ZNF396: variants seen among roughly 807,000 people sequenced by gnomAD.
ZNF396 encodes the protein zinc finger and SCAN domain-containing protein 14.
In ZNF396, 14 loss-of-function variants were observed where a neutral mutation model predicts 20.5. The observed-to-expected ratio is 0.68, with a 90% CI of 0.45 to 1.07. ZNF396 has a LOEUF of 1.07. Among genes scored for constraint, ZNF396 ranks in the 50% least tolerant of loss-of-function variants. The pLI is 0.00. For synonymous variants in ZNF396, 119 were observed against 140.6 expected (o/e 0.85, Z 1.08); for missense variants, 347 against 390.1 (o/e 0.89, Z 0.93).
chr18:35,370,262 T>TGGTCTCG (rs2045155098), intron 3 of ZNF396, among the ~76,000 whole-genome samples: 4 of 152,156 alleles, frequency 2.6e-5, no homozygotes, highest in Non-Finnish European at 5.9e-5. Context: ...ATGGATTTTA[T>TGGTCTCG]ATTACTGGTT....
At position 35,368,123 on chromosome 18, in the gene ZNF396, A is replaced by G. The variant is rs1307716656; in HGVS notation, c.*1092T>C. 1.5e-5 allele frequency: 4 copies of G among 263,354 alleles called. No homozygotes were observed. In the Admixed American group the frequency reaches 2.1e-4, roughly 14 times the overall value. 16.3% of individuals were successfully genotyped at this position (263,354 alleles called of 1,614,324 possible). A position where few individuals can be genotyped will look rare whatever the true frequency, so the allele number is the denominator to read the frequency against. On this transcript the variant is annotated 3_prime_UTR_variant, in exon 4 of 4. Coordinates refer to ENST00000589332, the MANE Select transcript of ZNF396 (RefSeq NM_001322286.2). ...TTTTGTTCATCTCCCTTTTTTCTTT[A>G]TATTAAGATGATCATCCATCTTACA...
At chr18:35,370,715 G>C (rs1285493496) in intron 3 of ZNF396, among the ~76,000 whole-genome samples, 2 of 151,192 alleles carry the variant, frequency 1.3e-5, no homozygotes, top group Non-Finnish European at 3.0e-5. Flanking sequence ...GGGTTTCACC[G>C]TTTTAGCCGG....
intron 3 of ZNF396, 119 bp from the exon 4 acceptor site, chr18:35,369,779 A>T (rs762368517): frequency 9.4e-7 from 1 of 1,060,918 alleles, no homozygotes; most frequent in Non-Finnish European, 1.3e-6. Flanking sequence ...AGAGTGTAAG[A>T]CAAAATATTG....
Position 35,374,205 on chromosome 18 carries a change from C to T in ZNF396, c.88G>A (p.Glu30Lys), listed in dbSNP as rs778576252. The part of the protein sequence containing the change: ...NGILTEKMEE[E>K]EQTCDPDSSL... Reference sequence around the variant, plus strand: ...GAGTCTGGATCACAGGTCTGCTCTTCCTCTTCCATCTTCTCTGTCAGAATC... The same window carrying T: ...GAGTCTGGATCACAGGTCTGCTCTTTCTCTTCCATCTTCTCTGTCAGAATC... Residue 30 changes from glutamate to lysine, a missense_variant, in exon 2 of 4, where the codon GAA becomes AAA. By Grantham distance (56) the Glu-to-Lys change is moderately conservative (BLOSUM62 1). Coordinates refer to ENST00000589332, the MANE Select transcript of ZNF396 (RefSeq NM_001322286.2). The surrounding 1 kb of genome is among the most constrained non-coding windows in gnomAD (Gnocchi z 4.3). 2 of 1,614,088 alleles carry T rather than the reference C, an allele frequency of 1.2e-6. No homozygotes were observed. The highest frequency in any genetic ancestry group is 1.7e-6 in the Non-Finnish European group (2 of 1,180,040).
chr18:35,373,779 T>C, intron 2 of ZNF396, 97 bp downstream of exon 2: 1 of 1,518,226 alleles, frequency 6.6e-7, no homozygotes, highest in African/African-American at 1.4e-5. Context: ...CATCCAGTTG[T>C]GCTGAGTGGG....
At chr18:35,376,842 G>C (rs1447957026) in intron 1 of ZNF396, among the ~76,000 whole-genome samples, 1 of 152,176 alleles carries the variant, frequency 6.6e-6, no homozygotes, top group East Asian at 1.9e-4. Flanking sequence ...CTGGAGGGGA[G>C]GCTTCGATCA....
chr18:35,374,063 C>G lies in ZNF396; in HGVS notation c.230G>C (p.Cys77Ser). ...CACTTCCGGCCTCAGCCAGAGATGA[C>G]AAAGTTCCCAGAGCCGGCTCAGAGC... ...HEALSRLWEL[C>S]HLWLRPEVHT... Residue 77 changes from cysteine (C) to serine (S), a missense_variant, in exon 2 of 4, where the codon TGT becomes TCT. Physicochemically the swap from Cys to Ser is moderately radical, Grantham distance 112. Transcript: ENST00000589332. This position sits in a 1 kb window ranked among gnomAD's most constrained non-coding sequence, Gnocchi z 4.3. 1 of 1,614,238 alleles carries G rather than the reference C, an allele frequency of 6.2e-7. No individual in the cohort carries two copies. The highest frequency in any genetic ancestry group is 8.5e-7 in the Non-Finnish European group (1 of 1,180,044).
Position 35,373,485 on chromosome 18 carries a change from G to A in ZNF396, c.533C>T (p.Ser178Leu). The A allele has an allele frequency of 6.2e-7, 1 of 1,614,082 alleles. No individual in the cohort carries two copies. The highest frequency in any genetic ancestry group is 8.5e-7 in the Non-Finnish European group (1 of 1,180,006). The change falls in exon 3 of 4, where the codon TCA (serine) becomes TTA (leucine). Residue 178 changes from serine to leucine, a missense_variant. Ser to Leu is a moderately radical substitution (Grantham distance 145). Coordinates refer to ENST00000589332, the MANE Select transcript of ZNF396 (RefSeq NM_001322286.2). ...TGGTCTTAAGGACTGAAGCTCCCAT[G>A]ATGCTCCCTGGAGCTGCTTCTTCAC... The part of the protein sequence containing the change: ...MPVKKQLQGA[S>L]WELQSLRPHD...
chr18:35,366,792 T>C lies in ZNF396; in HGVS notation c.*2423A>G, dbSNP rs2045104694. ...GTTAGCTCAATGAATTCTCCTTTTA[T>C]ATAAACTAGTACCATTCACTCATTA... On this transcript the variant is annotated 3_prime_UTR_variant, in exon 4 of 4. Coordinates refer to ENST00000589332, the MANE Select transcript of ZNF396 (RefSeq NM_001322286.2). 2.0e-5 allele frequency: 3 copies of C among 152,214 alleles called. No individual in the cohort carries two copies. The highest frequency in any genetic ancestry group is 6.5e-5 in the Admixed American group (1 of 15,282). 9.4% of individuals were successfully genotyped at this position (152,214 alleles called of 1,614,324 possible).
chr18:35,369,498 T>C lies in ZNF396; in HGVS notation c.725A>G (p.Gln242Arg). Reference sequence around the variant, plus strand: ...TTGTTTTTTCCAAGAAGGGTTTCCTTGTCTCTTTTCAAACCTACCATCTTG... The same window carrying C: ...TTGTTTTTTCCAAGAAGGGTTTCCTCGTCTCTTTTCAAACCTACCATCTTG... ...YEQDGRFEKR[Q>R]GNPSWKKQQK... Residue 242 changes from glutamine (Q) to arginine (R), a missense_variant, in exon 4 of 4, where the codon CAA (glutamine) becomes CGA (arginine). Physicochemically the swap from Gln to Arg is conservative, Grantham distance 43 (BLOSUM62 1). Transcript: ENST00000589332. 2 of 1,614,160 alleles carry C rather than the reference T, an allele frequency of 1.2e-6. No homozygotes were observed. The highest frequency in any genetic ancestry group is 1.7e-6 in the Non-Finnish European group (2 of 1,179,976).
intron 3 of ZNF396, among the ~76,000 whole-genome samples, chr18:35,371,035 G>A (rs1016343249): frequency 7.2e-5 from 11 of 152,158 alleles, no homozygotes; most frequent in Non-Finnish European, 1.5e-5. Context: ...AAGGCCTAAT[G>A]AAAAGGTTAG....
Position 35,369,491 on chromosome 18 carries a change from G to T in ZNF396, c.732C>A (p.Asn244Lys), listed in dbSNP as rs1388328724. ...QDGRFEKRQG[N>K]PSWKKQQKCD... ...ATTTCTGTTGTTTTTTCCAAGAAGG[G>T]TTTCCTTGTCTCTTTTCAAACCTAC... is the stretch of plus-strand genomic sequence containing the variant. The change falls in exon 4 of 4, where the codon AAC becomes AAA. Residue 244 changes from asparagine (N) to lysine (K), a missense_variant. Physicochemically the swap from Asn to Lys is moderately conservative, Grantham distance 94. Coordinates refer to ENST00000589332, the MANE Select transcript of ZNF396 (RefSeq NM_001322286.2). 6.2e-7 allele frequency: 1 copy of T among 1,614,094 alleles called. No individual in the cohort carries two copies. The highest frequency in any genetic ancestry group is 8.5e-7 in the Non-Finnish European group (1 of 1,180,020).
Position 35,368,288 on chromosome 18 carries a change from G to A in ZNF396, c.*927C>T. ...AGGAGATTATTTTTTTCCAACACGG[G>A]AAATTAACTTGATATTAATAGTATG... is the stretch of plus-strand genomic sequence containing the variant. On this transcript the variant is annotated 3_prime_UTR_variant, in exon 4 of 4. Coordinates refer to ENST00000589332, the MANE Select transcript of ZNF396 (RefSeq NM_001322286.2). The A allele has an allele frequency of 1.1e-6, 1 of 943,678 alleles. No individual in the cohort carries two copies. Among genetic ancestry groups the A allele is most frequent in the Admixed American group, 3.0e-5 (1 of 33,434 alleles). 58.5% of individuals were successfully genotyped at this position (943,678 alleles called of 1,614,324 possible).
chr18:35,374,347 C>A lies in ZNF396; in HGVS notation c.-55G>T. ...GGCTTTAATCCTCAAGGAGGTGAAG[C>A]TGTCCTGATGGACACTCCTTAAATA... On this transcript the variant is annotated 5_prime_UTR_variant, in exon 2 of 4. Coordinates refer to ENST00000589332, the MANE Select transcript of ZNF396 (RefSeq NM_001322286.2). This position sits in a 1 kb window ranked among gnomAD's most constrained non-coding sequence, Gnocchi z 4.3. 6.5e-7 allele frequency: 1 copy of A among 1,531,666 alleles called. No homozygotes were observed. The highest frequency in any genetic ancestry group is 1.2e-5 in the South Asian group (1 of 84,580). 94.9% of individuals were successfully genotyped at this position (1,531,666 alleles called of 1,614,324 possible). A position where few individuals can be genotyped will look rare whatever the true frequency, so the allele number is the denominator to read the frequency against.
intron 3 of ZNF396, chr18:35,373,003 T>A (rs1172779195): frequency 6.1e-6 from 1 of 164,862 alleles, no homozygotes; most frequent in African/African-American, 2.4e-5. Context: ...GTTGAAGATG[T>A]GAGGGAGTAG....
In ZNF396 at chr18:35,369,056, A is replaced by C. The variant is rs1001014216; in HGVS notation, c.*159T>G. ...ATAAGCAGAAAAGCAAATAATGCTGACCTGAGATCTTCAACCTTCTCTCCT... is the reference window on the plus strand; with the variant it reads ...ATAAGCAGAAAAGCAAATAATGCTGCCCTGAGATCTTCAACCTTCTCTCCT... On this transcript the variant is annotated 3_prime_UTR_variant, in exon 4 of 4. Transcript: ENST00000589332. 2 of 1,398,326 alleles carry C rather than the reference A, an allele frequency of 1.4e-6. No individual in the cohort carries two copies. The allele number at this position is 1,398,326 out of a possible 1,614,324, so 86.6% of individuals were successfully genotyped here. A position where few individuals can be genotyped will look rare whatever the true frequency, so the allele number is the denominator to read the frequency against.
At position 35,375,297 on chromosome 18, in the gene ZNF396, A is replaced by G. The variant is rs113503541; in HGVS notation, c.-72-933T>C. On this transcript the variant is annotated intron_variant, in intron 1 of 3. Coordinates refer to ENST00000589332, the MANE Select transcript of ZNF396 (RefSeq NM_001322286.2). ...CCATCTCTACCCCACCAAAAAAAAA[A>G]AAAAAAGAAAAAACAACAAAAAAGG... Among the ~76,000 whole-genome samples, 93 of 24,606 alleles carry G rather than the reference A, an allele frequency of 3.8e-3. 2 individuals are homozygous for G. The highest frequency in any genetic ancestry group is 0.018 in the African/African-American group (92 of 5,060). 16.1% of individuals were successfully genotyped at this position (24,606 alleles called of 152,430 possible). A position where few individuals can be genotyped will look rare whatever the true frequency, so the allele number is the denominator to read the frequency against.
At chr18:35,375,016 C>G (rs1012947854) in intron 1 of ZNF396, among the ~76,000 whole-genome samples, 1 of 152,060 alleles carries the variant, frequency 6.6e-6, no homozygotes, top group Non-Finnish European at 1.5e-5. Flanking sequence ...GTTCAAAGAG[C>G]CAATCGGTAT....
Position 35,374,374 on chromosome 18 carries a change from G to T in ZNF396, c.-72-10C>A. ...GTCCTGATGGACACTCCTTAAATAT[G>T]ATTAAAGAAACAAGTGGAAAGAAGA... On this transcript the variant is annotated splice_polypyrimidine_tract_variant and intron_variant, in intron 1 of 3. Coordinates refer to ENST00000589332, the MANE Select transcript of ZNF396 (RefSeq NM_001322286.2). This position sits in a 1 kb window ranked among gnomAD's most constrained non-coding sequence, Gnocchi z 4.3. 3.7e-6 allele frequency: 5 copies of T among 1,340,486 alleles called. No homozygotes were observed. The South Asian group carries it at 5.6e-5, about 15-fold the overall frequency. The allele number at this position is 1,340,486 out of a possible 1,614,324, so 83.0% of individuals were successfully genotyped here. A position where few individuals can be genotyped will look rare whatever the true frequency, so the allele number is the denominator to read the frequency against.
Sources: gnomAD v4.1 joint callset for allele counts (sites outside exome capture counted in the v4.1 genomes callset) on GRCh38, gnomAD v4.1.1 for gene constraint, Gnocchi (gnomAD v3.1) non-coding constraint, MANE v1.5 for transcripts, NCBI Gene and HGNC (gene_info 2026-07-23, HGNC 2026-07-21) for gene names.